NDUFAB1: variants seen among roughly 807,000 people sequenced by gnomAD.
NDUFAB1 encodes acyl carrier protein, mitochondrial.
NDUFAB1 carries 5 observed loss-of-function variants against 16.1 expected under a neutral mutation model. The observed-to-expected ratio is 0.31, with a 90% CI of 0.16 to 0.65. The LOEUF (loss-of-function observed/expected upper bound fraction) is 0.65. NDUFAB1 is among the 30% of genes least tolerant of loss of function. The probability of loss-of-function intolerance (pLI) is 0.77; values close to 1 mark genes in which losing one functional copy is unlikely to be tolerated. For missense variants in NDUFAB1, 187 were observed against 205.3 expected (o/e 0.91, Z 0.54); for synonymous variants, 85 against 78.4 (o/e 1.08, Z -0.44).
chr16:23,595,643 AG>A, intron 1 of NDUFAB1: 1 of 457,614 alleles, frequency 2.2e-6, no homozygotes, highest in African/African-American at 2.0e-5. Context: ...AAGGTGCTGC[AG>A]GGAAGAGTAA....
At chr16:23,592,074 C>T (rs1365527167) in intron 1 of NDUFAB1, among the ~76,000 whole-genome samples, 1 of 152,246 alleles carries the variant, frequency 6.6e-6, no homozygotes, top group Middle Eastern at 3.4e-3. Context: ...GATGCAATAA[C>T]AAAAGTTGTC....
At chr16:23,591,742 G>A (rs943863060) in intron 1 of NDUFAB1, among the ~76,000 whole-genome samples, 4 of 152,166 alleles carry the variant, frequency 2.6e-5, no homozygotes, top group African/African-American at 7.2e-5. Context: ...CAACCACAAG[G>A]AGGTAAGTGC....
intron 1 of NDUFAB1, among the ~76,000 whole-genome samples, chr16:23,592,973 TA>T (rs1254775898): frequency 6.6e-6 from 1 of 152,114 alleles, no homozygotes; most frequent in East Asian, 1.9e-4. Context: ...GCATGTGTGG[TA>T]AGAGAACTCG....
At chr16:23,589,124 C>T (rs921904878) in intron 1 of NDUFAB1, among the ~76,000 whole-genome samples, 4 of 151,802 alleles carry the variant, frequency 2.6e-5, no homozygotes, top group Non-Finnish European at 5.9e-5. Flanking sequence ...ATGGAGAAAC[C>T]CCGTCTCTAC....
intron 1 of NDUFAB1, among the ~76,000 whole-genome samples, chr16:23,588,157 C>T (rs1966248941): frequency 6.6e-6 from 1 of 152,060 alleles, no homozygotes; most frequent in South Asian, 2.1e-4. Flanking sequence ...TTGCTCACTA[C>T]TGAAATCCCT....
intron 2 of NDUFAB1, among the ~76,000 whole-genome samples, chr16:23,586,460 G>A (rs1228840604): frequency 2.7e-5 from 4 of 150,590 alleles, no homozygotes; most frequent in Admixed American, 6.6e-5. Context: ...TCATCCTCCC[G>A]AGTGGCTGGG....
At chr16:23,583,651 G>A (rs924095313) in intron 3 of NDUFAB1, among the ~76,000 whole-genome samples, 4,099 of 127,464 alleles carry the variant, frequency 0.032, 465 homozygotes, top group African/African-American at 0.069. Context: ...GAGCCCCTCC[G>A]CCCGGCAGCC....
At chr16:23,585,067 C>G (rs1050368001) in intron 3 of NDUFAB1, among the ~76,000 whole-genome samples, 3 of 152,200 alleles carry the variant, frequency 2.0e-5, no homozygotes, top group African/African-American at 7.2e-5. Context: ...AAGAATCAGT[C>G]CCCTGGAACC....
At chr16:23,582,731 CTCTCCCTCTCCCTCTTCCCACGG>C (rs1966191577) in intron 3 of NDUFAB1, among the ~76,000 whole-genome samples, 2 of 150,918 alleles carry the variant, frequency 1.3e-5, no homozygotes, top group Non-Finnish European at 1.5e-5. Flanking sequence ...CACGGTCTCC[CTCTCCCTCTCCCTCTTCCCACGG>C]TCTCCCTCTC....
At chr16:23,590,965 A>G (rs1350968926) in intron 1 of NDUFAB1, 2 of 152,112 alleles carry the variant, frequency 1.3e-5, no homozygotes, top group Non-Finnish European at 2.9e-5. Flanking sequence ...AGCTCAGGCT[A>G]TGATATTGCA....
chr16:23,590,113 T>C (rs1466932011), intron 1 of NDUFAB1, among the ~76,000 whole-genome samples: 1 of 152,106 alleles, frequency 6.6e-6, no homozygotes, highest in Non-Finnish European at 1.5e-5. Flanking sequence ...TCTATGTTCG[T>C]ACACAACTAC....
chr16:23,584,255 TAAAAAAAAA>T lies in NDUFAB1; in HGVS notation c.379+1072_379+1080del, dbSNP rs58853102. Among the ~76,000 whole-genome samples, 3 of 34,064 alleles carry T rather than the reference TAAAAAAAAA, an allele frequency of 8.8e-5. 1 individual carries two copies. The highest frequency in any genetic ancestry group is 1.2e-4 in the Non-Finnish European group (2 of 16,848). 22.3% of individuals were successfully genotyped at this position (34,064 alleles called of 152,430 possible). ...CGAGAAACACCCAAGAATGATCAAT[TAAAAAAAAA>T]AAAAAAAAAAGAAACCCAGTGCCCG... On this transcript the variant is annotated intron_variant, in intron 3 of 4. Transcript: ENST00000007516.
intron 1 of NDUFAB1, among the ~76,000 whole-genome samples, 160 bp from the exon 2 acceptor site, chr16:23,587,479 T>C (rs766266272): frequency 6.6e-6 from 1 of 152,218 alleles, no homozygotes; most frequent in East Asian, 1.9e-4. Flanking sequence ...GTTGCAGGAC[T>C]GGGTAATCGC....
In NDUFAB1 at chr16:23,596,246, C is replaced by G. The variant is rs1035177609; in HGVS notation, c.45G>C (p.Ala15=). ...GGACCCGGGGCAGCGGCGCAAAGGCCGCGGGCAGGCGGCTGACATAGGCTG... is the reference window on the plus strand; with the variant it reads ...GGACCCGGGGCAGCGGCGCAAAGGCGGCGGGCAGGCGGCTGACATAGGCTG... ...VLSAYVSRLP[A]AFAPLPRVRM... The change falls in exon 1 of 5, where the codon GCG becomes GCC. Residue 15 remains alanine, a synonymous_variant. Transcript: ENST00000007516. The G allele has an allele frequency of 6.2e-7, 1 of 1,600,254 alleles. No homozygotes were observed. Among genetic ancestry groups the G allele is most frequent in the East Asian group, 2.3e-5 (1 of 43,786 alleles).
intron 1 of NDUFAB1, among the ~76,000 whole-genome samples, chr16:23,594,393 C>T (rs997587122): frequency 2.0e-5 from 3 of 152,146 alleles, no homozygotes; most frequent in Admixed American, 1.3e-4. Context: ...CGGTCTGCCT[C>T]CCAGACTGGA....
intron 1 of NDUFAB1, among the ~76,000 whole-genome samples, chr16:23,589,942 GAAAAAAAAAAAA>G (rs57098255): frequency 5.8e-4 from 41 of 70,506 alleles, no homozygotes; most frequent in Middle Eastern, 0.01. Context: ...TCTCCAAAAA[GAAAAAAAAAAAA>G]AAAAAAAAAA....
chr16:23,582,481 C>A, intron 3 of NDUFAB1, 106 bp from the exon 4 acceptor site: 1 of 1,346,026 alleles, frequency 7.4e-7, no homozygotes, highest in Non-Finnish European at 9.5e-7. Flanking sequence ...TCAAAACTTT[C>A]AGCAACCTTG....
At chr16:23,590,531 T>C (rs1217872496) in intron 1 of NDUFAB1, among the ~76,000 whole-genome samples, 1 of 152,096 alleles carries the variant, frequency 6.6e-6, no homozygotes, top group African/African-American at 2.4e-5. Context: ...GGTTATTTAG[T>C]AGGATCCTGA....
chr16:23,587,288 T>C lies in NDUFAB1; in HGVS notation c.200A>G (p.Gln67Arg), dbSNP rs142593871. Residue 67 changes from glutamine to arginine, a missense_variant, in exon 2 of 5, where the codon CAG becomes CGG. By Grantham distance (43) the Gln-to-Arg change is conservative. Around this residue, in one of 3 missense-constraint regions of NDUFAB1, gnomAD observed 135 missense variants for 129.4 expected, o/e 1.04. Coordinates refer to ENST00000007516, the MANE Select transcript of NDUFAB1 (RefSeq NM_005003.3). Reference sequence around the variant, plus strand: ...CGTCAAAGGAGGCATGTCGCTATACTGGCGGCACAACTGTGTAACTCTACC... The same window carrying C: ...CGTCAAAGGAGGCATGTCGCTATACCGGCGGCACAACTGTGTAACTCTACC... ...VPGRVTQLCR[Q>R]YSDMPPLTLE... The C allele has an allele frequency of 1.9e-6, 3 of 1,614,000 alleles. No individual in the cohort carries two copies. In the African/African-American group the frequency reaches 4.0e-5, roughly 22 times the overall value.
Sources: gnomAD v4.1 joint callset for allele counts (sites outside exome capture counted in the v4.1 genomes callset) on GRCh38, gnomAD v4.1.1 for gene constraint, gnomAD v4.1.1 regional missense constraint, MANE v1.5 for transcripts, NCBI Gene and HGNC (gene_info 2026-07-23, HGNC 2026-07-21) for gene names.